KRT36: variants seen among roughly 807,000 people sequenced by gnomAD.
KRT36 encodes the protein keratin, type I cuticular Ha6.
Under a neutral mutation model 43.0 loss-of-function variants are expected in KRT36, and 41 were observed. The observed-to-expected ratio is 0.95, with a 90% CI of 0.74 to 1.24. The LOEUF is 1.24. Ranked by LOEUF, KRT36 falls within the 50% of genes most tolerant of loss-of-function variation. The pLI is 0.00. For missense variants in KRT36, 627 were observed against 595.3 expected, an observed-to-expected ratio of 1.05 and a Z score of -0.55; for synonymous variants, 277 against 252.9, an observed-to-expected ratio of 1.10 and a Z score of -0.90.
At position 41,487,431 on chromosome 17, in the gene KRT36, G is replaced by A. The variant is rs761759534; in HGVS notation, c.907C>T (p.Gln303Ter). 4 of 1,614,140 alleles carry A rather than the reference G, an allele frequency of 2.5e-6. No individual in the cohort carries two copies. The highest frequency in any genetic ancestry group is 2.2e-5 in the East Asian group (1 of 44,886). ...TCGATGATCTCCGTCTGGCAGCACTGCAGCTGCTCCGAGCTGGACACCACC... is the reference window on the plus strand; with the variant it reads ...TCGATGATCTCCGTCTGGCAGCACTACAGCTGCTCCGAGCTGGACACCACC... Reference protein sequence around the residue: ...QQVVSSSEQLQCCQTEIIELR... With the variant: ...QQVVSSSEQL The change falls in exon 5 of 7, where the codon CAG (glutamine) becomes TAG (stop). Residue 303 changes from glutamine to a stop codon, truncating the protein, a stop_gained. Coordinates refer to ENST00000328119, the MANE Select transcript of KRT36 (RefSeq NM_003771.5). LOFTEE classifies it high-confidence loss of function.
In KRT36 at chr17:41,489,423, C is replaced by A. The variant is rs1413433362; in HGVS notation, c.442G>T (p.Glu148Ter). ...TCCCTCACCTTCTGCTGGAAATCTTCGATGGTCTTGAAGTAGGACTGGTAG... is the reference window on the plus strand; with the variant it reads ...TCCCTCACCTTCTGCTGGAAATCTTAGATGGTCTTGAAGTAGGACTGGTAG... ...PDYQSYFKTI[E>*]DFQQKILLTK... The change falls in exon 1 of 7, where the codon GAA becomes TAA. Residue 148 changes from glutamate (E) to a stop codon, truncating the protein, a stop_gained. Transcript: ENST00000328119. LOFTEE classifies it high-confidence loss of function. 2 of 1,613,274 alleles carry A rather than the reference C, an allele frequency of 1.2e-6. No individual in the cohort carries two copies.
Position 41,487,365 on chromosome 17 carries a change from C to A in KRT36, c.973G>T (p.Ala325Ser). 6.2e-7 allele frequency: 1 copy of A among 1,611,902 alleles called. No individual in the cohort carries two copies. Among genetic ancestry groups the A allele is most frequent in the Non-Finnish European group, 8.5e-7 (1 of 1,179,786 alleles). ...TVNALEIELQ[A>S]QHSMRNSLES... ...GGGCCACTCACCATGCTGTGCTGAGCCTGCAGCTCAATCTCTAGCGCGTTG... is the reference window on the plus strand; with the variant it reads ...GGGCCACTCACCATGCTGTGCTGAGACTGCAGCTCAATCTCTAGCGCGTTG... Residue 325 changes from alanine to serine, a missense_variant, in exon 5 of 7, where the codon GCT (alanine) becomes TCT (serine). Coordinates refer to ENST00000328119, the MANE Select transcript of KRT36 (RefSeq NM_003771.5).
chr17:41,489,905 G>T lies in KRT36; in HGVS notation c.-41C>A. On this transcript the variant is annotated 5_prime_UTR_variant, in exon 1 of 7. It adds an upstream start codon to the 5' untranslated region. Coordinates refer to ENST00000328119, the MANE Select transcript of KRT36 (RefSeq NM_003771.5). ...AGGTTGCAGCTTAGCAAGGAGCTCA[G>T]GTTCTGGACTCTCAAGGCCTCTATG... The T allele has an allele frequency of 1.3e-6, 2 of 1,518,480 alleles. No individual in the cohort carries two copies. Among genetic ancestry groups the T allele is most frequent in the African/African-American group, 1.4e-5 (1 of 72,972 alleles). 94.1% of individuals were successfully genotyped at this position (1,518,480 alleles called of 1,614,324 possible). A position where few individuals can be genotyped will look rare whatever the true frequency, so the allele number is the denominator to read the frequency against.
At chr17:41,488,141 A>T (rs999906840) in intron 3 of KRT36, 102 bp downstream of exon 3, 1 of 1,079,752 alleles carries the variant, frequency 9.3e-7, no homozygotes, top group Non-Finnish European at 1.4e-6. Flanking sequence ...AATGAAATGC[A>T]AGGCCTTTGT....
At chr17:41,488,967 G>A (rs557508128) in intron 1 of KRT36, among the ~76,000 whole-genome samples, 1 of 152,300 alleles carries the variant, frequency 6.6e-6, no homozygotes, top group African/African-American at 2.4e-5. Flanking sequence ...ATACACCAGG[G>A]TGAGGCAGAC....
chr17:41,487,607 C>A lies in KRT36; in HGVS notation c.830G>T (p.Arg277Leu), dbSNP rs771911925. The change falls in exon 4 of 7, where the codon CGC becomes CTC. Residue 277 changes from arginine (R) to leucine (L), a missense_variant. Physicochemically the swap from Arg to Leu is moderately radical, Grantham distance 102 (BLOSUM62 -2). Coordinates refer to ENST00000328119, the MANE Select transcript of KRT36 (RefSeq NM_003771.5). ...GTTGAACCAGGCCTCCACATCTCTGCGGTTATTCTCCACCAGGGCCTCGTA... is the reference window on the plus strand; with the variant it reads ...GTTGAACCAGGCCTCCACATCTCTGAGGTTATTCTCCACCAGGGCCTCGTA... ...CQYEALVENN[R>L]RDVEAWFNTQ... 3.0e-5 allele frequency: 48 copies of A among 1,614,158 alleles called. No homozygotes were observed. The highest frequency in any genetic ancestry group is 3.6e-5 in the Non-Finnish European group (43 of 1,179,998).
At position 41,487,608 on chromosome 17, in the gene KRT36, G is replaced by T; in HGVS notation, c.829C>A (p.Arg277Ser). 1 of 1,614,168 alleles carries T rather than the reference G, an allele frequency of 6.2e-7. No individual in the cohort carries two copies. Among genetic ancestry groups the T allele is most frequent in the Non-Finnish European group, 8.5e-7 (1 of 1,180,010 alleles). ...TTGAACCAGGCCTCCACATCTCTGC[G>T]GTTATTCTCCACCAGGGCCTCGTAC... ...CQYEALVENN[R>S]RDVEAWFNTQ... The change falls in exon 4 of 7, where the codon CGC (arginine) becomes AGC (serine). Residue 277 changes from arginine (R) to serine (S), a missense_variant. Physicochemically the swap from Arg to Ser is moderately radical, Grantham distance 110. Transcript: ENST00000328119.
Position 41,489,901 on chromosome 17 carries a change from C to T in KRT36, c.-37G>A, listed in dbSNP as rs1904524608. 6.4e-6 allele frequency: 10 copies of T among 1,559,430 alleles called. No homozygotes were observed. The highest frequency in any genetic ancestry group is 1.8e-4 in the Middle Eastern group (1 of 5,536). On this transcript the variant is annotated 5_prime_UTR_variant, in exon 1 of 7. Coordinates refer to ENST00000328119, the MANE Select transcript of KRT36 (RefSeq NM_003771.5). ...AGGAAGGTTGCAGCTTAGCAAGGAG[C>T]TCAGGTTCTGGACTCTCAAGGCCTC...
At position 41,488,663 on chromosome 17, in the gene KRT36, G is replaced by C. The variant is rs746662586; in HGVS notation, c.521C>G (p.Ala174Gly). Residue 174 changes from alanine to glycine, a missense_variant, in exon 2 of 7, where the codon GCT (alanine) becomes GGT (glycine). By Grantham distance (60) the Ala-to-Gly change is moderately conservative. Transcript: ENST00000328119. ...LVLQIDNAKL[A>G]ADDFRTKYET... ...TCACTTGGTCCGGAAGTCGTCAGCA[G>C]CCAGCTTGGCATTATCAATCTGCAG... is the stretch of plus-strand genomic sequence containing the variant. 20 of 1,614,070 alleles carry C rather than the reference G, an allele frequency of 1.2e-5. No homozygotes were observed.
chr17:41,487,815 C>T (rs978581827), intron 3 of KRT36, 78 bp from the exon 4 acceptor site: 1 of 1,409,748 alleles, frequency 7.1e-7, no homozygotes, highest in Non-Finnish European at 9.8e-7. Flanking sequence ...GAATTCAAAC[C>T]CTCTTCCCTC....
intron 1 of KRT36, 53 bp downstream of exon 1, chr17:41,489,353 A>C: frequency 3.2e-6 from 5 of 1,559,840 alleles, no homozygotes; most frequent in Non-Finnish European, 4.4e-6. Flanking sequence ...AATGAGACAG[A>C]CGCCTCCTAA....
rs762705489 is a variant in KRT36, at chr17:41,487,357, G to A, written c.981C>T (p.His327=). 1.4e-5 allele frequency: 22 copies of A among 1,611,180 alleles called. 1 individual carries two copies. In the South Asian group the frequency reaches 2.1e-4, roughly 15 times the overall value. The change falls in exon 5 of 7, where the codon CAC becomes CAT. Residue 327 remains histidine, a synonymous_variant. Transcript: ENST00000328119. ...NALEIELQAQ[H]SMRNSLESTL... ...GCAGGCAGGGGCCACTCACCATGCT[G>A]TGCTGAGCCTGCAGCTCAATCTCTA...
Position 41,486,379 on chromosome 17 carries a change from C to G in KRT36, c.1401G>C (p.Leu467=). Residue 467 remains leucine (L), a synonymous_variant, in exon 7 of 7, where the codon CTG becomes CTC. Transcript: ENST00000328119. Reference sequence around the variant, plus strand: ...CCCTGGTGGACCAAGTGGGCTGTCACAGCGGGCGGGACTGCACGTGCTCCC... The same window carrying G: ...CCCTGGTGGACCAAGTGGGCTGTCAGAGCGGGCGGGACTGCACGTGCTCCC... ...SSREHVQSRP[L] is the part of the protein sequence containing the mutation. 2 of 1,613,600 alleles carry G rather than the reference C, an allele frequency of 1.2e-6. No homozygotes were observed. The highest frequency in any genetic ancestry group is 4.5e-5 in the East Asian group (2 of 44,856).
At chr17:41,488,805 G>A in intron 1 of KRT36, 81 bp from the exon 2 acceptor site, 4 of 1,165,782 alleles carry the variant, frequency 3.4e-6, no homozygotes, top group Non-Finnish European at 5.2e-6. Context: ...AGCTCACAGA[G>A]GCCATGCCAC....
In KRT36 at chr17:41,486,387, G is replaced by T; in HGVS notation, c.1393C>A (p.Arg465Ser). 3 of 1,613,822 alleles carry T rather than the reference G, an allele frequency of 1.9e-6. No homozygotes were observed. Among genetic ancestry groups the T allele is most frequent in the Non-Finnish European group, 2.5e-6 (3 of 1,179,940 alleles). The change falls in exon 7 of 7, where the codon CGC becomes AGC. Residue 465 changes from arginine (R) to serine (S), a missense_variant. Arg to Ser is a moderately radical substitution (Grantham distance 110). Transcript: ENST00000328119. ...VISSREHVQSRPL is the reference protein window; with the variant it reads ...VISSREHVQSSPL ...GACCAAGTGGGCTGTCACAGCGGGCGGGACTGCACGTGCTCCCTGGAGGAG... is the reference window on the plus strand; with the variant it reads ...GACCAAGTGGGCTGTCACAGCGGGCTGGACTGCACGTGCTCCCTGGAGGAG...
At position 41,489,601 on chromosome 17, in the gene KRT36, G is replaced by A; in HGVS notation, c.264C>T (p.Ser88=). 6.2e-7 allele frequency: 1 copy of A among 1,614,220 alleles called. No individual in the cohort carries two copies. Among genetic ancestry groups the A allele is most frequent in the Non-Finnish European group, 8.5e-7 (1 of 1,180,048 alleles). The change falls in exon 1 of 7, where the codon TCC becomes TCT. Residue 88 remains serine, a synonymous_variant. Coordinates refer to ENST00000328119, the MANE Select transcript of KRT36 (RefSeq NM_003771.5). ...VGSGGWFCEG[S]FNGSEKETMQ... ...TAGTCTCCTTCTCGCTGCCGTTGAAGGAGCCCTCGCAGAACCAGCCCCCGC... is the reference window on the plus strand; with the variant it reads ...TAGTCTCCTTCTCGCTGCCGTTGAAAGAGCCCTCGCAGAACCAGCCCCCGC...
intron 1 of KRT36, 33 bp downstream of exon 1, chr17:41,489,373 T>C: frequency 6.2e-7 from 1 of 1,600,462 alleles, no homozygotes; most frequent in Non-Finnish European, 8.5e-7. Flanking sequence ...AGAGTTGGGC[T>C]GCTCAGCTGG....
In KRT36 at chr17:41,487,570, C is replaced by A. The variant is rs1247641917; in HGVS notation, c.861+6G>T. ...AGCCTGTGGTCCCAGGGCACCCCAGCCCCACCTGGGTGTTGAACCAGGCCT... is the reference window on the plus strand; with the variant it reads ...AGCCTGTGGTCCCAGGGCACCCCAGACCCACCTGGGTGTTGAACCAGGCCT... On this transcript the variant is annotated splice_donor_region_variant and intron_variant, in intron 4 of 6. Transcript: ENST00000328119. 3 of 1,613,666 alleles carry A rather than the reference C, an allele frequency of 1.9e-6. No individual in the cohort carries two copies. The highest frequency in any genetic ancestry group is 1.7e-6 in the Non-Finnish European group (2 of 1,179,762).
Position 41,486,703 on chromosome 17 carries a change from G to A in KRT36, c.1209-132C>T, listed in dbSNP as rs1484393377. The A allele has an allele frequency of 1.2e-5, 9 of 769,716 alleles. No individual in the cohort carries two copies. In the East Asian group the frequency reaches 1.6e-4, roughly 14 times the overall value. The allele number at this position is 769,716 out of a possible 1,614,324, so 47.7% of individuals were successfully genotyped here. A position where few individuals can be genotyped will look rare whatever the true frequency, so the allele number is the denominator to read the frequency against. On this transcript the variant is annotated intron_variant, in intron 6 of 6. Coordinates refer to ENST00000328119, the MANE Select transcript of KRT36 (RefSeq NM_003771.5). The stretch of plus-strand genomic sequence containing the variant: ...CTCAGTGCCTCTGAATTCCCCAAGG[G>A]TGAGAGGACTGAGCTACAGGAATGA...
Sources: gnomAD v4.1 joint callset for allele counts (sites outside exome capture counted in the v4.1 genomes callset) on GRCh38, gnomAD v4.1.1 for gene constraint, MANE v1.5 for transcripts, NCBI Gene and HGNC (gene_info 2026-07-23, HGNC 2026-07-21) for gene names.